Variants in PIAS1 observed in about 807,000 individuals in gnomAD.
PIAS1 encodes the protein E3 SUMO-protein ligase PIAS1.
A neutral mutation model predicts 71.3 loss-of-function variants in PIAS1; 6 were observed. That is an observed-to-expected ratio of 0.08 (90% CI 0.05 to 0.17). The LOEUF (loss-of-function observed/expected upper bound fraction) is 0.17. Among genes scored for constraint, PIAS1 ranks in the 10% least tolerant of loss-of-function variants. PIAS1 has a pLI of 1.00. For missense variants in PIAS1, 555 were observed against 793.6 expected, an observed-to-expected ratio of 0.70 and a Z score of 3.61; for synonymous variants, 303 against 292.9, an observed-to-expected ratio of 1.03 and a Z score of -0.35.
chr15:68,168,239 C>T (rs1318036420), intron 8 of PIAS1, among the ~76,000 whole-genome samples: 1 of 152,046 alleles, frequency 6.6e-6, no homozygotes, highest in East Asian at 1.9e-4. Context: ...GAACTCCTGA[C>T]CTCAAGTGAT....
In PIAS1 at chr15:68,105,843, C is replaced by T. The variant is rs920811720; in HGVS notation, c.469+19093C>T. Among the ~76,000 whole-genome samples the T allele has an allele frequency of 2.6e-5, 4 of 151,998 alleles. No homozygotes were observed. The South Asian group carries it at 8.3e-4, about 32-fold the overall frequency. On this transcript the variant is annotated intron_variant, in intron 2 of 13. Transcript: ENST00000249636. ...TTTTAAATAAATAACTAACAGTAACCTTAAAATGAAATTATGGTTCTTAAT... is the reference window on the plus strand; with the variant it reads ...TTTTAAATAAATAACTAACAGTAACTTTAAAATGAAATTATGGTTCTTAAT...
Position 68,174,847 on chromosome 15 carries a change from A to C in PIAS1, c.1170-790A>C, listed in dbSNP as rs1425999133. On this transcript the variant is annotated intron_variant, in intron 9 of 13. Coordinates refer to ENST00000249636, the MANE Select transcript of PIAS1 (RefSeq NM_016166.3). This position sits in a 1 kb window ranked among gnomAD's most constrained non-coding sequence, Gnocchi z 4.0. ...CCAGTCATGGGAAACAAACAAACAA[A>C]CAACATGTAACTTAAATGTTTTATG... is the stretch of plus-strand genomic sequence containing the variant. 1.3e-5 allele frequency among the ~76,000 whole-genome samples: 2 copies of C among 152,158 alleles called. No individual in the cohort carries two copies. Among genetic ancestry groups the C allele is most frequent in the African/African-American group, 4.8e-5 (2 of 41,430 alleles).
intron 2 of PIAS1, among the ~76,000 whole-genome samples, chr15:68,139,779 A>G (rs1027143997): frequency 6.6e-6 from 1 of 152,262 alleles, no homozygotes. Context: ...GCAGATAGAT[A>G]CTTTTTTCTG....
In PIAS1 at chr15:68,075,497, AATG is replaced by A. The variant is rs1481447971; in HGVS notation, c.25-10806_25-10804del. Among the ~76,000 whole-genome samples the A allele has an allele frequency of 4.4e-4, 67 of 152,290 alleles. 1 individual carries two copies. Among genetic ancestry groups the A allele is most frequent in the African/African-American group, 8.9e-4 (37 of 41,574 alleles). On this transcript the variant is annotated intron_variant, in intron 1 of 13. Coordinates refer to ENST00000249636, the MANE Select transcript of PIAS1 (RefSeq NM_016166.3). ...AATCTGTTCTGAAGATAATGATCATAATGATCTGTAAGTTTTGTGGAAAGTTAG... is the reference window on the plus strand; with the variant it reads ...AATCTGTTCTGAAGATAATGATCATAATCTGTAAGTTTTGTGGAAAGTTAG...
At position 68,193,729 on chromosome 15, in the gene PIAS1, C is replaced by G. The variant is rs924210091; in HGVS notation, c.*5894C>G. The G allele has an allele frequency of 3.0e-6, 1 of 332,072 alleles. No individual in the cohort carries two copies. The highest frequency in any genetic ancestry group is 4.3e-5 in the Admixed American group (1 of 23,120). The allele number at this position is 332,072 out of a possible 1,614,324, so 20.6% of individuals were successfully genotyped here. ...AAAGTCACAGTGGGAAGCAGCAGAG[C>G]CAGGACTGGAACCCAGGCCAGACTC... On this transcript the variant is annotated 3_prime_UTR_variant, in exon 14 of 14. Coordinates refer to ENST00000249636, the MANE Select transcript of PIAS1 (RefSeq NM_016166.3).
At chr15:68,119,370 G>A (rs2414988) in intron 2 of PIAS1, among the ~76,000 whole-genome samples, 4,170 of 151,024 alleles carry the variant, frequency 0.028, 184 homozygotes, top group African/African-American at 0.095. Flanking sequence ...GCTTGAACCC[G>A]GGAGGCTGAG....
chr15:68,192,320 C>G lies in PIAS1; in HGVS notation c.*4485C>G, dbSNP rs944924279. The G allele has an allele frequency of 6.6e-6, 1 of 152,136 alleles. No individual in the cohort carries two copies. Among genetic ancestry groups the G allele is most frequent in the African/African-American group, 2.4e-5 (1 of 41,422 alleles). 9.4% of individuals were successfully genotyped at this position (152,136 alleles called of 1,614,324 possible). On this transcript the variant is annotated 3_prime_UTR_variant, in exon 14 of 14. Transcript: ENST00000249636. ...CCATGAAGGTAATGAAGTTTAAGCA[C>G]CAGGACCCTTCACTTGTTCTGGTCC...
intron 2 of PIAS1, among the ~76,000 whole-genome samples, chr15:68,132,133 C>T (rs2092692318): frequency 6.6e-6 from 1 of 151,514 alleles, no homozygotes; most frequent in Admixed American, 6.6e-5. Flanking sequence ...CCAGTGGGGG[C>T]TAAACTCCCA....
chr15:68,094,246 G>A (rs973274689), intron 2 of PIAS1, among the ~76,000 whole-genome samples: 4 of 151,486 alleles, frequency 2.6e-5, no homozygotes, highest in East Asian at 3.8e-4. Flanking sequence ...TGTGCTGGGC[G>A]TATAGTCTTA....
At chr15:68,061,923 T>C (rs1597113989) in intron 1 of PIAS1, among the ~76,000 whole-genome samples, 1 of 152,304 alleles carries the variant, frequency 6.6e-6, no homozygotes, top group East Asian at 1.9e-4. Flanking sequence ...TGTTGGCTGG[T>C]GTTCTGTTTG....
At chr15:68,175,097 C>T (rs1390969431) in intron 9 of PIAS1, among the ~76,000 whole-genome samples, 1 of 152,052 alleles carries the variant, frequency 6.6e-6, no homozygotes, top group Admixed American at 6.6e-5. Flanking sequence ...TGTGATTGTA[C>T]ACTGTTAATA....
chr15:68,131,926 G>C (rs1005849934), intron 2 of PIAS1, among the ~76,000 whole-genome samples: 9 of 151,858 alleles, frequency 5.9e-5, no homozygotes, highest in African/African-American at 1.9e-4. Context: ...TCCTAGGCTG[G>C]GCGTGGTGGC....
chr15:68,146,347 T>C (rs1487931044), intron 5 of PIAS1, among the ~76,000 whole-genome samples: 1 of 152,172 alleles, frequency 6.6e-6, no homozygotes, highest in African/African-American at 2.4e-5. Flanking sequence ...GATTTTGAAT[T>C]TTCATCACTA....
intron 2 of PIAS1, among the ~76,000 whole-genome samples, chr15:68,113,984 C>T (rs751924426): frequency 2.6e-5 from 4 of 151,542 alleles, no homozygotes; most frequent in Non-Finnish European, 4.4e-5. Context: ...AATAGGATCT[C>T]TCTCTGTCTC....
rs76498602 is a variant in PIAS1, at chr15:68,149,033, G to A, written c.828+2333G>A. ...GGGGGGCTAGGCAAATGATATTGCT[G>A]CTGAGATAGAGGAAACACTGGAAAA... is the stretch of plus-strand genomic sequence containing the variant. On this transcript the variant is annotated intron_variant, in intron 6 of 13. Transcript: ENST00000249636. Among the ~76,000 whole-genome samples, 1,216 of 152,212 alleles carry A rather than the reference G, an allele frequency of 8.0e-3. 13 individuals carry two copies. The highest frequency in any genetic ancestry group is 0.028 in the African/African-American group (1,165 of 41,536).
intron 1 of PIAS1, among the ~76,000 whole-genome samples, chr15:68,060,918 G>A (rs1420480181): frequency 1.1e-4 from 16 of 152,222 alleles, no homozygotes; most frequent in African/African-American, 3.9e-4. Flanking sequence ...TCTTGACCTC[G>A]TAATCTGCCC....
chr15:68,162,936 G>A (rs946596116), intron 7 of PIAS1, among the ~76,000 whole-genome samples: 1 of 152,110 alleles, frequency 6.6e-6, no homozygotes, highest in Admixed American at 6.5e-5. Flanking sequence ...CTGCCTTTTT[G>A]TTCTTTCCAT....
At chr15:68,087,946 T>G in intron 2 of PIAS1, 5 of 294,028 alleles carry the variant, frequency 1.7e-5, no homozygotes, top group South Asian at 1.4e-4. Flanking sequence ...AGAAAACATT[T>G]TTTGAGAATC....
At chr15:68,156,071 A>G (rs2092886751) in intron 7 of PIAS1, among the ~76,000 whole-genome samples, 1 of 152,126 alleles carries the variant, frequency 6.6e-6, no homozygotes, top group Non-Finnish European at 1.5e-5. Context: ...TTATTCATTT[A>G]TTCTTTTCAT....
Sources: gnomAD v4.1 joint callset for allele counts (sites outside exome capture counted in the v4.1 genomes callset) on GRCh38, gnomAD v4.1.1 for gene constraint, Gnocchi (gnomAD v3.1) non-coding constraint, MANE v1.5 for transcripts, NCBI Gene and HGNC (gene_info 2026-07-23, HGNC 2026-07-21) for gene names.